The following MLXIPL variants were observed in gnomAD, a reference collection of about 807,000 sequenced individuals.
MLXIPL encodes the protein carbohydrate-responsive element-binding protein.
Under a neutral mutation model 81.5 loss-of-function variants are expected in MLXIPL, and 49 were observed. That is an observed-to-expected ratio of 0.60 (90% confidence interval 0.48 to 0.76). MLXIPL has a LOEUF of 0.76. MLXIPL is among the 30% of genes least tolerant of loss of function. The probability of loss-of-function intolerance (pLI) is 0.00; values close to 1 mark genes in which losing one functional copy is unlikely to be tolerated. For missense variants in MLXIPL, 1,053 were observed against 1,167.0 expected, an observed-to-expected ratio of 0.90 and a Z score of 1.42; for synonymous variants, 466 against 485.5, an observed-to-expected ratio of 0.96 and a Z score of 0.53.
intron 16 of MLXIPL, 84 bp from the exon 17 acceptor site, chr7:73,594,067 G>C (rs2116128538): frequency 7.1e-7 from 1 of 1,408,400 alleles, no homozygotes; most frequent in East Asian, 2.3e-5. Flanking sequence ...GGGATAGGGG[G>C]AGGTATTAGT....
At position 73,593,864 on chromosome 7, in the gene MLXIPL, A is replaced by G; in HGVS notation, c.*1T>C. ...GAGTGAGCAGCAGGGTCTGGCCAGGACTATAAAGGTTTGCCAAGGGTGCCC... is the reference window on the plus strand; with the variant it reads ...GAGTGAGCAGCAGGGTCTGGCCAGGGCTATAAAGGTTTGCCAAGGGTGCCC... On this transcript the variant is annotated 3_prime_UTR_variant, in exon 17 of 17. Transcript: ENST00000313375. The G allele has an allele frequency of 1.2e-6, 2 of 1,612,626 alleles. No homozygotes were observed. The highest frequency in any genetic ancestry group is 1.1e-5 in the South Asian group (1 of 91,054).
In MLXIPL at chr7:73,596,818, T is replaced by C. The variant is rs782644997; in HGVS notation, c.1672-29A>G. 59 of 1,607,842 alleles carry C rather than the reference T, an allele frequency of 3.7e-5. No homozygotes were observed. Among genetic ancestry groups the C allele is most frequent in the Non-Finnish European group, 5.0e-5 (59 of 1,178,032 alleles). On this transcript the variant is annotated intron_variant, in intron 10 of 16. Coordinates refer to ENST00000313375, the MANE Select transcript of MLXIPL (RefSeq NM_032951.3). The surrounding 1 kb of genome is among the most constrained non-coding windows in gnomAD (Gnocchi z 4.7). ...GGGTGGAGAAGGGCGGAGAGTCGGGTTGAAGGCCGTGGGCACAGCCCCACC... is the reference window on the plus strand; with the variant it reads ...GGGTGGAGAAGGGCGGAGAGTCGGGCTGAAGGCCGTGGGCACAGCCCCACC...
chr7:73,620,275 G>A (rs145846649), intron 1 of MLXIPL, among the ~76,000 whole-genome samples: 2,247 of 151,566 alleles, frequency 0.015, 50 homozygotes, highest in African/African-American at 0.051. Flanking sequence ...ATGGTGGTGC[G>A]TGCCTGTAAT....
upstream of MLXIPL, among the ~76,000 whole-genome samples, chr7:73,627,158 C>G (rs1437360955): frequency 6.6e-6 from 1 of 152,068 alleles, no homozygotes; most frequent in Non-Finnish European, 1.5e-5. Flanking sequence ...CCATCCCTGC[C>G]AGGTTAGGAA....
chr7:73,630,545 G>C, the MLXIPL span, among the ~76,000 whole-genome samples: 2 of 151,904 alleles, frequency 1.3e-5, no homozygotes, highest in Non-Finnish European at 2.9e-5. Context: ...CTCCTGCCTT[G>C]GTCTCCCAAA....
chr7:73,618,586 A>C (rs1796134155), intron 1 of MLXIPL, among the ~76,000 whole-genome samples: 1 of 150,898 alleles, frequency 6.6e-6, no homozygotes. Flanking sequence ...GGGGTGGGGG[A>C]CTGCCCCCTC....
In MLXIPL at chr7:73,624,460, G is replaced by A; in HGVS notation, c.33C>T (p.Gly11=). Reference sequence around the variant, plus strand: ...TGGGCGCGACCCGCGGGACCTGCAAGCCCGCGGCCAGACCTGCCAGCGCGC... The same window carrying A: ...TGGGCGCGACCCGCGGGACCTGCAAACCCGCGGCCAGACCTGCCAGCGCGC... MAGALAGLAA[G]LQVPRVAPSP... is the part of the protein sequence containing the mutation. The change falls in exon 1 of 17, where the codon GGC becomes GGT. Residue 11 remains glycine, a synonymous_variant. Coordinates refer to ENST00000313375, the MANE Select transcript of MLXIPL (RefSeq NM_032951.3). 1.9e-6 allele frequency: 3 copies of A among 1,547,172 alleles called. No individual in the cohort carries two copies. The highest frequency in any genetic ancestry group is 2.6e-6 in the Non-Finnish European group (3 of 1,154,492).
chr7:73,647,291 C>T, the MLXIPL span, among the ~76,000 whole-genome samples: 3 of 152,212 alleles, frequency 2.0e-5, no homozygotes, highest in Non-Finnish European at 2.9e-5. Flanking sequence ...TTCTTTCTGT[C>T]CCAGCCAGGG....
At chr7:73,616,205 G>C in intron 1 of MLXIPL, 28 bp from the exon 2 acceptor site, 2 of 1,552,528 alleles carry the variant, frequency 1.3e-6, no homozygotes, top group Non-Finnish European at 1.8e-6. Context: ...AGTAGGGTTA[G>C]GGAGATGCAG....
In MLXIPL at chr7:73,624,142, A is replaced by ACC. The variant is rs370239468; in HGVS notation, c.293+56_293+57dup. The ACC allele has an allele frequency of 9.5e-4, 765 of 806,902 alleles. 6 individuals carry two copies. In the African/African-American group the frequency reaches 0.016, roughly 17 times the overall value. The allele number at this position is 806,902 out of a possible 1,614,324, so 50.0% of individuals were successfully genotyped here. On this transcript the variant is annotated intron_variant, in intron 1 of 16. Transcript: ENST00000313375. ...GCCCCAGCGCGCAGTCCTGCCCCGG[A>ACC]CCCCCCCCCCATCCCCACCTGGAAG...
At chr7:73,629,676 A>T in the MLXIPL span, among the ~76,000 whole-genome samples, 16 of 152,258 alleles carry the variant, frequency 1.1e-4, no homozygotes, top group East Asian at 3.1e-3. Context: ...AGTGAGCTAT[A>T]AACATGCCAC....
At position 73,624,353 on chromosome 7, in the gene MLXIPL, A is replaced by T; in HGVS notation, c.140T>A (p.Ile47Asn). 6.3e-7 allele frequency: 1 copy of T among 1,584,768 alleles called. No homozygotes were observed. Among genetic ancestry groups the T allele is most frequent in the Non-Finnish European group, 8.6e-7 (1 of 1,169,064 alleles). The change falls in exon 1 of 17, where the codon ATC (isoleucine) becomes AAC (asparagine). Residue 47 changes from isoleucine to asparagine, a missense_variant. By Grantham distance (149) the Ile-to-Asn change is moderately radical (BLOSUM62 -3). This residue lies in a region of MLXIPL where 226 missense variants were observed against 216.2 expected (regional missense o/e 1.05). Transcript: ENST00000313375. ...CGACACCATGAAGTGACCGCTGTGG[A>T]TGACCTGCGAGCGGAGCAAGCCGCC... Reference protein sequence around the residue: ...SAGGLLRSQVIHSGHFMVSSP... With the variant: ...SAGGLLRSQVNHSGHFMVSSP...
At chr7:73,627,934 C>T (rs1489410984), upstream of MLXIPL, among the ~76,000 whole-genome samples, 1 of 152,066 alleles carries the variant, frequency 6.6e-6, no homozygotes, top group Non-Finnish European at 1.5e-5. Flanking sequence ...TACTGGCGAT[C>T]TGTCTCACTA....
intron 7 of MLXIPL, among the ~76,000 whole-genome samples, chr7:73,601,176 AGTGTGTGT>A (rs55639253): frequency 2.5e-4 from 34 of 137,734 alleles, no homozygotes; most frequent in African/African-American, 4.1e-4. Context: ...TGCAGGGTCA[AGTGTGTGT>A]GTGTGTGTGT....
the MLXIPL span, among the ~76,000 whole-genome samples, chr7:73,643,296 C>T: frequency 6.6e-6 from 1 of 152,148 alleles, no homozygotes; most frequent in South Asian, 2.1e-4. Context: ...GGGCGGATCA[C>T]GAGGTCAGGA....
rs782223425 is a variant in MLXIPL, at chr7:73,594,448, C to A, written c.2311-45G>T. 1.4e-5 allele frequency: 23 copies of A among 1,598,704 alleles called. No individual in the cohort carries two copies. The Admixed American group carries it at 2.7e-4, about 19-fold the overall frequency. On this transcript the variant is annotated intron_variant, in intron 15 of 16. Transcript: ENST00000313375. ...CTGCCTGTGGTCCAGCTGGTCCCCC[C>A]ACACCACGTGGAGCCCTGATGCCCA...
At chr7:73,613,014 CG>C (rs1429267552) in intron 2 of MLXIPL, among the ~76,000 whole-genome samples, 1 of 152,102 alleles carries the variant, frequency 6.6e-6, no homozygotes, top group Non-Finnish European at 1.5e-5. Context: ...GACACCAAGA[CG>C]ATTTCAGAGT....
At chr7:73,629,956 G>T in the MLXIPL span, among the ~76,000 whole-genome samples, 2 of 148,068 alleles carry the variant, frequency 1.4e-5, no homozygotes, top group East Asian at 2.0e-4. Flanking sequence ...CAGCCCCTTG[G>T]CTTGTCTTTT....
Position 73,596,091 on chromosome 7 carries a change from T to TG in MLXIPL, c.2058+61dup, listed in dbSNP as rs1390710253. 1,352 of 1,590,718 alleles carry TG rather than the reference T, an allele frequency of 8.5e-4. 3 individuals carry two copies. Among genetic ancestry groups the TG allele is most frequent in the East Asian group, 3.2e-3 (142 of 44,370 alleles). ...CACTCCCCTGCAATTGAGTTTTGGG[T>TG]GGGGGGGGTCCAGAAAGGGGCCCTG... On this transcript the variant is annotated intron_variant, in intron 13 of 16. Transcript: ENST00000313375. The surrounding 1 kb of genome is among the most constrained non-coding windows in gnomAD (Gnocchi z 4.7).
Sources: allele counts gnomAD v4.1 joint callset (sites outside exome capture counted in the v4.1 genomes callset), GRCh38; gene constraint gnomAD v4.1.1; regional missense constraint gnomAD v4.1.1; non-coding constraint Gnocchi (gnomAD v3.1); transcripts MANE v1.5; gene names NCBI Gene and HGNC (gene_info 2026-07-23, HGNC 2026-07-21).